The following ABI1 variants were observed in gnomAD, a reference collection of about 807,000 sequenced individuals.
ABI1 encodes Abelson interactor 1.
Under a neutral mutation model 54.6 loss-of-function variants are expected in ABI1, and 14 were observed. That is an observed-to-expected ratio of 0.26 (90% CI 0.17 to 0.40). The LOEUF is 0.40. Ranked by LOEUF, ABI1 falls within the 10% of genes least tolerant of loss-of-function variation. The pLI is 1.00. For synonymous variants in ABI1, 194 were observed against 209.3 expected (o/e 0.93, Z 0.63); for missense variants, 443 against 598.3 (o/e 0.74, Z 2.71).
At chr10:26,793,195 T>C (rs2133229780) in intron 2 of ABI1, among the ~76,000 whole-genome samples, 1 of 151,652 alleles carries the variant, frequency 6.6e-6, no homozygotes, top group African/African-American at 2.4e-5. Context: ...AGGAGAGGGG[T>C]ATAAAAAGGG....
Position 26,751,706 on chromosome 10 carries a change from G to A in ABI1, c.1162C>T (p.Pro388Ser). 1.2e-6 allele frequency: 2 copies of A among 1,614,028 alleles called. No homozygotes were observed. The highest frequency in any genetic ancestry group is 1.7e-6 in the Non-Finnish European group (2 of 1,179,972). The change falls in exon 10 of 11, where the codon CCA becomes TCA. Residue 388 changes from proline to serine, a missense_variant. By Grantham distance (74) the Pro-to-Ser change is moderately conservative. Coordinates refer to ENST00000376140, the MANE Select transcript of ABI1 (RefSeq NM_001012750.3). ...TCTTCATAATCCACTGGTGGTGGTG[G>A]TGGGGGAGGTGGAGAGTCATCAAAC... ...PMFDDSPPPP[P>S]PPPVDYEDEE...
At chr10:26,853,044 T>C (rs574085084) in intron 1 of ABI1, among the ~76,000 whole-genome samples, 7 of 152,252 alleles carry the variant, frequency 4.6e-5, no homozygotes, top group Non-Finnish European at 1.0e-4. Flanking sequence ...AAAGTACTTA[T>C]TTGGATTGAC....
At chr10:26,799,684 T>G (rs1254616704) in intron 2 of ABI1, among the ~76,000 whole-genome samples, 1 of 152,234 alleles carries the variant, frequency 6.6e-6, no homozygotes, top group Non-Finnish European at 1.5e-5. Context: ...TAGAAATAAG[T>G]TCTGCCATAA....
At chr10:26,846,401 G>A (rs1345377859) in intron 1 of ABI1, among the ~76,000 whole-genome samples, 2 of 148,120 alleles carry the variant, frequency 1.4e-5, no homozygotes, top group African/African-American at 2.5e-5. Context: ...GGAGTGCAGT[G>A]GCGTGCTCTC....
At chr10:26,748,794 T>A (rs1179613245) in intron 10 of ABI1, 49 bp from the exon 11 acceptor site, 5 of 1,318,492 alleles carry the variant, frequency 3.8e-6, no homozygotes, top group African/African-American at 3.0e-5. Context: ...ATATCCAAAA[T>A]TTACTTGAAT....
chr10:26,838,674 T>C (rs974433326), intron 1 of ABI1, among the ~76,000 whole-genome samples: 2 of 152,148 alleles, frequency 1.3e-5, no homozygotes, highest in African/African-American at 4.8e-5. Context: ...AACTAGATTG[T>C]GGAAATCAGA....
At chr10:26,775,811 A>C (rs1021239108) in intron 3 of ABI1, among the ~76,000 whole-genome samples, 4 of 152,182 alleles carry the variant, frequency 2.6e-5, no homozygotes, top group African/African-American at 9.7e-5. Context: ...TAGGAAGAAT[A>C]ATCAAGGTGA....
intron 6 of ABI1, among the ~76,000 whole-genome samples, chr10:26,766,986 T>C (rs1420020861): frequency 7.2e-5 from 11 of 152,284 alleles, no homozygotes; most frequent in Middle Eastern, 3.4e-3. Flanking sequence ...AAACCATATA[T>C]ATGGCCCACG....
Position 26,820,925 on chromosome 10 carries a change from T to C in ABI1, c.285+2213A>G, listed in dbSNP as rs1357912563. Among the ~76,000 whole-genome samples, 5 of 152,170 alleles carry C rather than the reference T, an allele frequency of 3.3e-5. No homozygotes were observed. In the South Asian group the frequency reaches 6.2e-4, roughly 19 times the overall value. On this transcript the variant is annotated intron_variant, in intron 2 of 10. Transcript: ENST00000376140. Reference sequence around the variant, plus strand: ...GATTAAGGGTCTCAAGTAAATTAAATGACCTTGGCTTTCACCTTAATAAAG... The same window carrying C: ...GATTAAGGGTCTCAAGTAAATTAAACGACCTTGGCTTTCACCTTAATAAAG...
At chr10:26,814,746 A>C (rs2047450900) in intron 2 of ABI1, among the ~76,000 whole-genome samples, 1 of 152,160 alleles carries the variant, frequency 6.6e-6, no homozygotes, top group Non-Finnish European at 1.5e-5. Flanking sequence ...ATGGGGGATA[A>C]AATTGTTAAA....
chr10:26,850,989 A>T (rs1487506605), intron 1 of ABI1, among the ~76,000 whole-genome samples: 1 of 152,200 alleles, frequency 6.6e-6, no homozygotes, highest in Non-Finnish European at 1.5e-5. Flanking sequence ...AAAGCATGAA[A>T]GAAAGGTCTA....
chr10:26,760,221 A>G (rs75705892), intron 7 of ABI1, among the ~76,000 whole-genome samples: 2,366 of 152,292 alleles, frequency 0.016, 52 homozygotes, highest in African/African-American at 0.054. Flanking sequence ...ATGTTAATAG[A>G]GTTCAAAGCC....
chr10:26,826,108 T>C (rs1319071968), intron 1 of ABI1, among the ~76,000 whole-genome samples: 2 of 152,246 alleles, frequency 1.3e-5, no homozygotes, highest in African/African-American at 4.8e-5. Flanking sequence ...GTTTTCAATT[T>C]ACTTTTCCCA....
intron 9 of ABI1, among the ~76,000 whole-genome samples, chr10:26,752,389 GA>G (rs908904775): frequency 1.3e-5 from 2 of 152,062 alleles, no homozygotes; most frequent in African/African-American, 4.8e-5. Context: ...TGAAAAAATG[GA>G]AAAAGAATCC....
At chr10:26,812,587 G>A (rs1309388810) in intron 2 of ABI1, among the ~76,000 whole-genome samples, 1 of 152,160 alleles carries the variant, frequency 6.6e-6, no homozygotes, top group Non-Finnish European at 1.5e-5. Flanking sequence ...TAGTTTGCTA[G>A]GACTGCCATA....
At chr10:26,785,277 T>C (rs1842600447) in intron 2 of ABI1, among the ~76,000 whole-genome samples, 2 of 152,234 alleles carry the variant, frequency 1.3e-5, no homozygotes, top group African/African-American at 4.8e-5. Context: ...CATGTTTCTG[T>C]ACCTGTTGTG....
intron 1 of ABI1, among the ~76,000 whole-genome samples, chr10:26,833,067 T>C (rs2048791410): frequency 1.3e-5 from 2 of 152,218 alleles, no homozygotes; most frequent in Non-Finnish European, 1.5e-5. Context: ...CCTTTCATTA[T>C]AAGCTTTAAC....
rs185960825 is a variant in ABI1, at chr10:26,779,518, C to T, written c.286-2277G>A. On this transcript the variant is annotated intron_variant, in intron 2 of 10. Coordinates refer to ENST00000376140, the MANE Select transcript of ABI1 (RefSeq NM_001012750.3). ...CACATAAGGTTCTGTTTCCTTTGGA[C>T]GACAGTTACAGAGACATACATCTAC... Among the ~76,000 whole-genome samples the T allele has an allele frequency of 1.1e-3, 161 of 151,536 alleles. 1 individual carries two copies. The highest frequency in any genetic ancestry group is 5.3e-3 in the Admixed American group (81 of 15,224).
rs141148982 is a variant in ABI1 at position 26,834,455 on chromosome 10, T to C, written c.118-11150A>G. On this transcript the variant is annotated intron_variant, in intron 1 of 10. Transcript: ENST00000376140. ...TGACACAGGACCAACAACCAGAATA[T>C]ATAAGGAGCTCATACAATGCAATGG... Among the ~76,000 whole-genome samples the C allele has an allele frequency of 3.8e-4, 57 of 151,582 alleles. No individual in the cohort carries two copies. The East Asian group carries it at 7.8e-3, about 21-fold the overall frequency.
Sources: gnomAD v4.1 joint callset for allele counts (sites outside exome capture counted in the v4.1 genomes callset) on GRCh38, gnomAD v4.1.1 for gene constraint, MANE v1.5 for transcripts, NCBI Gene and HGNC (gene_info 2026-07-23, HGNC 2026-07-21) for gene names.